Variants in RPS6KC1 observed in about 807,000 individuals in gnomAD.
RPS6KC1 encodes ribosomal protein S6 kinase C1.
In RPS6KC1, 54 loss-of-function variants were observed where a neutral mutation model predicts 103.8. The ratio of observed to expected loss-of-function variants is 0.52; its 90% CI spans 0.42 to 0.65. The LOEUF (loss-of-function observed/expected upper bound fraction) is 0.65. Among genes scored for constraint, RPS6KC1 ranks in the 30% least tolerant of loss-of-function variants. The pLI is 0.00. For missense variants in RPS6KC1, 1,151 were observed against 1,253.8 expected (o/e 0.92, Z 1.24); for synonymous variants, 439 against 438.7 (o/e 1.00, Z -0.01).
chr1:213,589,997 A>G, the RPS6KC1 span, among the ~76,000 whole-genome samples: 1 of 149,048 alleles, frequency 6.7e-6, no homozygotes, highest in Admixed American at 6.7e-5. Flanking sequence ...AGCAGCAATG[A>G]GGGGGAGAAG....
At chr1:213,059,382 C>G (rs756011866) in intron 1 of RPS6KC1, among the ~76,000 whole-genome samples, 10 of 152,138 alleles carry the variant, frequency 6.6e-5, no homozygotes, top group Non-Finnish European at 1.3e-4. Flanking sequence ...AGTCCACAGT[C>G]TTGAATAGGA....
At chr1:213,642,923 T>C in the RPS6KC1 span, among the ~76,000 whole-genome samples, 1 of 151,972 alleles carries the variant, frequency 6.6e-6, no homozygotes, top group Non-Finnish European at 1.5e-5. Flanking sequence ...ATCATTTTTC[T>C]AACACCATTT....
At chr1:213,297,119 A>G in the RPS6KC1 span, among the ~76,000 whole-genome samples, 5 of 152,206 alleles carry the variant, frequency 3.3e-5, no homozygotes, top group African/African-American at 4.8e-5. Context: ...ATGGCGTGCA[A>G]AGTCTTAAAG....
chr1:213,773,006 C>A, the RPS6KC1 span, among the ~76,000 whole-genome samples: 1 of 152,120 alleles, frequency 6.6e-6, no homozygotes, highest in Admixed American at 6.6e-5. Context: ...TTGTTGCCAC[C>A]GCTCAACGTC....
At chr1:213,096,536 A>G (rs1199404306) in intron 3 of RPS6KC1, among the ~76,000 whole-genome samples, 1 of 152,056 alleles carries the variant, frequency 6.6e-6, no homozygotes, top group Non-Finnish European at 1.5e-5. Flanking sequence ...ATGGTGGTAT[A>G]CGCCTATAAT....
At chr1:213,516,459 A>G in the RPS6KC1 span, among the ~76,000 whole-genome samples, 1 of 152,214 alleles carries the variant, frequency 6.6e-6, no homozygotes, top group Admixed American at 6.5e-5. Context: ...AATTTTGTCA[A>G]AGGCCTTTTC....
chr1:213,837,856 C>T, the RPS6KC1 span, among the ~76,000 whole-genome samples: 1 of 152,182 alleles, frequency 6.6e-6, no homozygotes, highest in African/African-American at 2.4e-5. Flanking sequence ...TTGAGACAAA[C>T]CTTTTTTTTT....
the RPS6KC1 span, among the ~76,000 whole-genome samples, chr1:213,793,141 C>G: frequency 6.6e-6 from 1 of 152,142 alleles, no homozygotes; most frequent in Non-Finnish European, 1.5e-5. Flanking sequence ...CAGGTTCGGT[C>G]GTGACATTGG....
At chr1:213,562,274 T>C in the RPS6KC1 span, among the ~76,000 whole-genome samples, 1 of 151,948 alleles carries the variant, frequency 6.6e-6, no homozygotes, top group Non-Finnish European at 1.5e-5. Context: ...AAATTTGCTT[T>C]GCAGCCCAGC....
chr1:213,679,697 A>G, the RPS6KC1 span, among the ~76,000 whole-genome samples: 1 of 152,230 alleles, frequency 6.6e-6, no homozygotes, highest in African/African-American at 2.4e-5. Context: ...GCTTGAATCC[A>G]AGGCCTTAGC....
intron 8 of RPS6KC1, among the ~76,000 whole-genome samples, chr1:213,195,037 G>T (rs1195549167): frequency 2.0e-5 from 3 of 152,168 alleles, no homozygotes; most frequent in Non-Finnish European, 4.4e-5. Context: ...GTGTGTGTTA[G>T]GGGGTGATTT....
chr1:213,198,518 T>C (rs1013670501), intron 8 of RPS6KC1, among the ~76,000 whole-genome samples: 2 of 152,146 alleles, frequency 1.3e-5, no homozygotes, highest in Non-Finnish European at 2.9e-5. Flanking sequence ...CCTGGGGAAG[T>C]TTTCCTGGAT....
At chr1:213,458,900 T>C in the RPS6KC1 span, among the ~76,000 whole-genome samples, 1 of 152,324 alleles carries the variant, frequency 6.6e-6, no homozygotes, top group East Asian at 1.9e-4. Flanking sequence ...GTTTATGTGA[T>C]GGATTACGTT....
At chr1:213,158,831 G>A (rs867156506) in intron 6 of RPS6KC1, among the ~76,000 whole-genome samples, 2 of 152,042 alleles carry the variant, frequency 1.3e-5, no homozygotes, top group African/African-American at 4.8e-5. Flanking sequence ...ACTAGTGTAG[G>A]CTTGTAGTTC....
chr1:213,810,350 G>A, the RPS6KC1 span, among the ~76,000 whole-genome samples: 1 of 152,228 alleles, frequency 6.6e-6, no homozygotes, highest in Admixed American at 6.5e-5. Context: ...ACCTTAGGTA[G>A]GGTGGGGAGA....
chr1:213,127,917 A>G (rs1377756464), intron 5 of RPS6KC1, among the ~76,000 whole-genome samples: 1 of 152,226 alleles, frequency 6.6e-6, no homozygotes, highest in African/African-American at 2.4e-5. Flanking sequence ...ATGCACAGAT[A>G]AAAGATCCAT....
At chr1:213,165,644 C>T (rs558725262) in intron 6 of RPS6KC1, among the ~76,000 whole-genome samples, 5 of 152,222 alleles carry the variant, frequency 3.3e-5, no homozygotes, top group African/African-American at 1.2e-4. Context: ...AGGATGGTCT[C>T]GAACTCCTGA....
chr1:213,440,071 A>G, the RPS6KC1 span, among the ~76,000 whole-genome samples: 1 of 152,122 alleles, frequency 6.6e-6, no homozygotes, highest in Non-Finnish European at 1.5e-5. Flanking sequence ...TGAGACAATT[A>G]CCTTCCATTG....
rs1484580615 is a variant in RPS6KC1, at chr1:213,273,462, A to G, written c.*828A>G. On this transcript the variant is annotated 3_prime_UTR_variant, in exon 15 of 15. Transcript: ENST00000366960. The stretch of plus-strand genomic sequence containing the variant: ...TGATATCAAATAAACATGGTGAAAC[A>G]TTAGATCTCTTCTTCATTTAATAAC... 6.6e-6 allele frequency: 1 copy of G among 152,644 alleles called. No homozygotes were observed. Among genetic ancestry groups the G allele is most frequent in the Non-Finnish European group, 1.5e-5 (1 of 68,046 alleles). 9.5% of individuals were successfully genotyped at this position (152,644 alleles called of 1,614,324 possible). A position where few individuals can be genotyped will look rare whatever the true frequency, so the allele number is the denominator to read the frequency against.
Sources: allele counts gnomAD v4.1 joint callset (sites outside exome capture counted in the v4.1 genomes callset), GRCh38; gene constraint gnomAD v4.1.1; transcripts MANE v1.5; gene names NCBI Gene and HGNC (gene_info 2026-07-23, HGNC 2026-07-21).